MALRD1: variants seen among roughly 807,000 people sequenced by gnomAD.
MALRD1 encodes MAM and LDL receptor class A domain containing 1.
MALRD1 carries 247 observed loss-of-function variants against 242.1 expected under a neutral mutation model. The observed-to-expected ratio is 1.02, with a 90% confidence interval of 0.92 to 1.13. MALRD1 has a LOEUF of 1.13. MALRD1 is among the 50% of genes most tolerant of loss of function. MALRD1 has a pLI of 0.00. For missense variants in MALRD1, 2,989 were observed against 2,533.1 expected (o/e 1.18, Z -3.86); for synonymous variants, 995 against 866.6 (o/e 1.15, Z -2.60).
intron 9 of MALRD1, among the ~76,000 whole-genome samples, chr10:19,136,179 T>G (rs1833328947): frequency 6.6e-6 from 1 of 152,186 alleles, no homozygotes; most frequent in African/African-American, 2.4e-5. Context: ...TGACAACACT[T>G]CTTATTTTCC....
chr10:19,322,058 G>T (rs1460873837), intron 21 of MALRD1, among the ~76,000 whole-genome samples: 1 of 152,084 alleles, frequency 6.6e-6, no homozygotes, highest in African/African-American at 2.4e-5. Context: ...CAATTTCCTG[G>T]TGGACATTTA....
intron 32 of MALRD1, among the ~76,000 whole-genome samples, chr10:19,553,422 A>G (rs1835580722): frequency 6.6e-6 from 1 of 152,196 alleles, no homozygotes; most frequent in African/African-American, 2.4e-5. Context: ...AATATGTCAG[A>G]ATATAAAAAT....
intron 4 of MALRD1, among the ~76,000 whole-genome samples, chr10:19,099,772 A>T (rs5783651): frequency 0.017 from 1,580 of 94,904 alleles, 32 homozygotes; most frequent in African/African-American, 0.057. Context: ...TATTTTTTTT[A>T]ATTTTTTTTG....
intron 18 of MALRD1, among the ~76,000 whole-genome samples, chr10:19,242,509 A>C (rs1294747626): frequency 6.6e-6 from 1 of 152,068 alleles, no homozygotes; most frequent in African/African-American, 2.4e-5. Context: ...CCATTTTTAA[A>C]GTGGAGTGTT....
At chr10:19,266,558 A>G (rs1839983104) in intron 19 of MALRD1, among the ~76,000 whole-genome samples, 2 of 151,818 alleles carry the variant, frequency 1.3e-5, no homozygotes, top group African/African-American at 4.8e-5. Flanking sequence ...TATTTATAAT[A>G]TTTAAAAATA....
intron 33 of MALRD1, among the ~76,000 whole-genome samples, chr10:19,593,358 C>A (rs1184261739): frequency 6.6e-6 from 1 of 152,174 alleles, no homozygotes; most frequent in African/African-American, 2.4e-5. Context: ...GGGTCAGAGT[C>A]TAAATACCTT....
At position 19,337,820 on chromosome 10, in the gene MALRD1, T is replaced by C. The variant is rs1843676108; in HGVS notation, c.3901+6238T>C. ...GTTCACGACTGTAATCCCAGCACTT[T>C]GGGAGGCCAAGGTGGGTGGATCATG... On this transcript the variant is annotated intron_variant, in intron 24 of 39. Transcript: ENST00000454679. Among the ~76,000 whole-genome samples the C allele has an allele frequency of 2.0e-5, 3 of 152,228 alleles. 1 individual carries two copies. The South Asian group carries it at 6.2e-4, about 32-fold the overall frequency.
chr10:19,380,562 C>T (rs1365554772), intron 26 of MALRD1, among the ~76,000 whole-genome samples: 1 of 151,878 alleles, frequency 6.6e-6, no homozygotes, highest in African/African-American at 2.4e-5. Context: ...TCTCTTAATT[C>T]CCAATTTTCT....
chr10:19,456,719 C>T (rs935789927), intron 29 of MALRD1, among the ~76,000 whole-genome samples: 1 of 151,868 alleles, frequency 6.6e-6, no homozygotes, highest in African/African-American at 2.4e-5. Context: ...AAGTAATGCA[C>T]ATCTCGCCCT....
At chr10:19,408,543 G>T (rs916792698) in intron 28 of MALRD1, among the ~76,000 whole-genome samples, 1 of 151,926 alleles carries the variant, frequency 6.6e-6, no homozygotes, top group African/African-American at 2.4e-5. Context: ...TTCAAACAAA[G>T]AAAATCATAC....
rs1838554858 is a variant in MALRD1 at position 19,238,483 on chromosome 10, TTATATATAATATATA to T, written c.2992-19200_2992-19186del. ...TATATAATATAATATATAATATACA[TTATATATAATATATA>T]ATATAATATATAATGTATATTATAT... is the stretch of plus-strand genomic sequence containing the variant. On this transcript the variant is annotated intron_variant, in intron 18 of 39. Transcript: ENST00000454679. Among the ~76,000 whole-genome samples the T allele has an allele frequency of 1.1e-4, 2 of 17,810 alleles. 1 individual carries two copies. The highest frequency in any genetic ancestry group is 9.7e-4 in the African/African-American group (2 of 2,054). The allele number at this position is 17,810 out of a possible 152,430, so 11.7% of individuals were successfully genotyped here. A position where few individuals can be genotyped will look rare whatever the true frequency, so the allele number is the denominator to read the frequency against.
chr10:19,676,715 G>A (rs1842152236), intron 36 of MALRD1, among the ~76,000 whole-genome samples: 1 of 152,120 alleles, frequency 6.6e-6, no homozygotes, highest in African/African-American at 2.4e-5. Flanking sequence ...AGGATATGCA[G>A]GTTTGTTACA....
chr10:19,327,528 T>C, intron 22 of MALRD1, 35 bp from the exon 23 acceptor site: 1 of 1,473,838 alleles, frequency 6.8e-7, no homozygotes, highest in Non-Finnish European at 9.2e-7. Flanking sequence ...CAAGATAAAA[T>C]ACTTCAGTGC....
chr10:19,485,058 T>C (rs7074596), intron 29 of MALRD1, among the ~76,000 whole-genome samples: 131,294 of 152,128 alleles, frequency 0.86, 56,820 homozygotes, highest in East Asian at 1. Context: ...CTGTCCTAAG[T>C]GAAGTAACTC....
intron 33 of MALRD1, among the ~76,000 whole-genome samples, chr10:19,581,307 G>T (rs1330518647): frequency 7.8e-4 from 110 of 141,206 alleles, no homozygotes; most frequent in Non-Finnish European, 5.5e-4. Flanking sequence ...ACATGCTGGT[G>T]CGCTGCACCC....
At chr10:19,679,236 C>G (rs937415284) in intron 36 of MALRD1, among the ~76,000 whole-genome samples, 1 of 152,174 alleles carries the variant, frequency 6.6e-6, no homozygotes, top group Non-Finnish European at 1.5e-5. Flanking sequence ...AGGAATGGTA[C>G]CAGCTTCTCT....
rs776968046 is a variant in MALRD1, at chr10:19,267,412, C to A, written c.3079+9641C>A. ...ACATAATTTTTATGATGTCCTCCCC[C>A]ACCCCTCACACATTAAATGTGTTGT... is the stretch of plus-strand genomic sequence containing the variant. On this transcript the variant is annotated intron_variant, in intron 19 of 39. Transcript: ENST00000454679. 2.6e-5 allele frequency among the ~76,000 whole-genome samples: 4 copies of A among 152,176 alleles called. No individual in the cohort carries two copies. The South Asian group carries it at 8.3e-4, about 32-fold the overall frequency.
At chr10:19,705,804 T>TTAAAAAAAAAAAAAA (rs71388859) in intron 38 of MALRD1, among the ~76,000 whole-genome samples, 1 of 102,904 alleles carries the variant, frequency 9.7e-6, no homozygotes, top group African/African-American at 4.8e-5. Flanking sequence ...CCTGCAATAG[T>TTAAAAAAAAAAAAAA]AAAAAAAAAA....
chr10:19,226,135 A>T (rs1163391886), intron 18 of MALRD1, among the ~76,000 whole-genome samples: 6 of 152,204 alleles, frequency 3.9e-5, no homozygotes, highest in African/African-American at 1.4e-4. Context: ...GTCTAGGAAT[A>T]TTTAAAAATG....
Sources: allele counts gnomAD v4.1 joint callset (sites outside exome capture counted in the v4.1 genomes callset), GRCh38; gene constraint gnomAD v4.1.1; transcripts MANE v1.5; gene names NCBI Gene and HGNC (gene_info 2026-07-23, HGNC 2026-07-21).